The following LRGUK variants were observed in gnomAD, a reference collection of about 807,000 sequenced individuals.
The protein encoded by LRGUK is leucine rich repeats and guanylate kinase domain containing.
In LRGUK, 65 loss-of-function variants were observed where a neutral mutation model predicts 76.0. That is an observed-to-expected ratio of 0.85 (90% confidence interval 0.70 to 1.05). The LOEUF (loss-of-function observed/expected upper bound fraction) is 1.05. Among genes scored for constraint, LRGUK ranks in the 50% least tolerant of loss-of-function variants. The pLI, the probability that LRGUK is intolerant of heterozygous loss-of-function variation, is 0.00. For synonymous variants in LRGUK, 268 were observed against 265.6 expected (o/e 1.01, Z -0.09); for missense variants, 758 against 732.8 (o/e 1.03, Z -0.40).
chr7:134,194,384 A>G (rs1007333585), intron 12 of LRGUK, among the ~76,000 whole-genome samples: 1 of 152,220 alleles, frequency 6.6e-6, no homozygotes, highest in Non-Finnish European at 1.5e-5. Flanking sequence ...TACATTTTGA[A>G]AACAGCGAGT....
At chr7:134,142,030 G>A (rs1797786719) in intron 3 of LRGUK, among the ~76,000 whole-genome samples, 1 of 152,130 alleles carries the variant, frequency 6.6e-6, no homozygotes, top group Non-Finnish European at 1.5e-5. Flanking sequence ...TCAGGGCAGG[G>A]CCCCAACTAC....
chr7:134,172,384 G>T (rs940205440), intron 7 of LRGUK, among the ~76,000 whole-genome samples: 1 of 152,014 alleles, frequency 6.6e-6, no homozygotes, highest in Non-Finnish European at 1.5e-5. Flanking sequence ...TTAAAGAAAA[G>T]ACTTTAGTAG....
intron 16 of LRGUK, among the ~76,000 whole-genome samples, chr7:134,241,406 T>G (rs2117193429): frequency 6.6e-6 from 1 of 152,306 alleles, no homozygotes; most frequent in Middle Eastern, 3.4e-3. Flanking sequence ...GTTGCAATCC[T>G]AGTCTCTGAT....
At chr7:134,212,503 G>A (rs545421604), downstream of LRGUK, among the ~76,000 whole-genome samples, 4 of 152,190 alleles carry the variant, frequency 2.6e-5, no homozygotes, top group Admixed American at 6.5e-5. Context: ...TATTTCAAGG[G>A]CAGTAGAGGA....
chr7:134,135,356 G>A (rs73454654), intron 1 of LRGUK, among the ~76,000 whole-genome samples: 22,838 of 152,090 alleles, frequency 0.15, 1,970 homozygotes, highest in East Asian at 0.33. Context: ...TGAAACCACC[G>A]GAGGGGGGCA....
intron 5 of LRGUK, among the ~76,000 whole-genome samples, chr7:134,153,176 AT>A (rs1798301899): frequency 6.6e-6 from 1 of 152,102 alleles, no homozygotes. Flanking sequence ...AAACCTGAAA[AT>A]TATAAATTAA....
chr7:134,274,947 C>CTAAG, the LRGUK span, among the ~76,000 whole-genome samples: 1 of 152,032 alleles, frequency 6.6e-6, no homozygotes, highest in Non-Finnish European at 1.5e-5. Flanking sequence ...ATTTTTCATA[C>CTAAG]TAAGTTCAGT....
At chr7:134,221,509 T>C (rs773630304) in intron 15 of LRGUK, among the ~76,000 whole-genome samples, 1 of 152,196 alleles carries the variant, frequency 6.6e-6, no homozygotes, top group Non-Finnish European at 1.5e-5. Flanking sequence ...TTTTGACATG[T>C]CTTACTTCTT....
In LRGUK at chr7:134,209,855, C is replaced by T. The variant is rs534188778; in HGVS notation, c.2992C>T (p.Arg998Cys). 229 of 399,330 alleles carry T rather than the reference C, an allele frequency of 5.7e-4. 5 individuals are homozygous for T. In the South Asian group the frequency reaches 0.027, roughly 46 times the overall value. The allele number at this position is 399,330 out of a possible 1,614,324, so 24.7% of individuals were successfully genotyped here. A position where few individuals can be genotyped will look rare whatever the true frequency, so the allele number is the denominator to read the frequency against. The change falls in exon 16 of 16, where the codon CGC becomes TGC. Residue 998 changes from arginine to cysteine, a missense_variant. Physicochemically the swap from Arg to Cys is radical, Grantham distance 180 (BLOSUM62 -3). Transcript: ENST00000645682. Reference sequence around the variant, plus strand: ...CCCCAGCCAGGAGCAAGCAGAACCTCGCATCCTCAGTCCCGCCCAGGAGGA... The same window carrying T: ...CCCCAGCCAGGAGCAAGCAGAACCTTGCATCCTCAGTCCCGCCCAGGAGGA...
chr7:134,191,896 T>C (rs920614885), intron 12 of LRGUK, 145 bp downstream of exon 12: 2 of 545,470 alleles, frequency 3.7e-6, no homozygotes, highest in Non-Finnish European at 6.4e-6. Flanking sequence ...TTTTTTTTTT[T>C]CTTAAAGTGC....
chr7:134,171,763 T>C (rs1799261392), intron 7 of LRGUK, among the ~76,000 whole-genome samples: 1 of 152,150 alleles, frequency 6.6e-6, no homozygotes, highest in Admixed American at 6.6e-5. Flanking sequence ...TGCAAGCTAT[T>C]TGGGGTGCTG....
chr7:134,142,808 C>T (rs900820716), intron 3 of LRGUK, among the ~76,000 whole-genome samples: 1 of 152,090 alleles, frequency 6.6e-6, no homozygotes, highest in African/African-American at 2.4e-5. Context: ...ACTTGGCTGC[C>T]CCCAAAATAG....
intron 11 of LRGUK, among the ~76,000 whole-genome samples, chr7:134,185,254 A>G (rs113473672): frequency 1.6e-4 from 24 of 152,298 alleles, no homozygotes; most frequent in Middle Eastern, 3.4e-3. Flanking sequence ...ACAAAACTCC[A>G]ACTGAGTTTA....
chr7:134,273,282 C>T, the LRGUK span, among the ~76,000 whole-genome samples: 1 of 152,182 alleles, frequency 6.6e-6, no homozygotes, highest in Admixed American at 6.5e-5. Flanking sequence ...CCTGGTAGAG[C>T]TCTCTATGGT....
intron 1 of LRGUK, among the ~76,000 whole-genome samples, chr7:134,136,779 G>C (rs560349836): frequency 6.6e-6 from 1 of 152,228 alleles, no homozygotes; most frequent in East Asian, 1.9e-4. Context: ...AACTTTGAAT[G>C]CCTAATGCAA....
At chr7:134,139,004 G>A (rs561085419) in intron 2 of LRGUK, among the ~76,000 whole-genome samples, 18 of 152,234 alleles carry the variant, frequency 1.2e-4, no homozygotes. Context: ...GAAAGTGTAG[G>A]TAGTATTGTT....
intron 7 of LRGUK, among the ~76,000 whole-genome samples, chr7:134,165,558 A>G (rs1160147545): frequency 6.6e-6 from 1 of 152,222 alleles, no homozygotes; most frequent in Non-Finnish European, 1.5e-5. Context: ...GAAACAGGTG[A>G]CATTAATTTT....
chr7:134,130,371 T>C (rs1797250281), intron 1 of LRGUK, among the ~76,000 whole-genome samples: 2 of 151,896 alleles, frequency 1.3e-5, no homozygotes, highest in South Asian at 4.2e-4. Flanking sequence ...GGCTATGGGG[T>C]TCATTAGCAC....
At chr7:134,220,157 A>C (rs73441366) in intron 15 of LRGUK, among the ~76,000 whole-genome samples, 1 of 152,078 alleles carries the variant, frequency 6.6e-6, no homozygotes, top group South Asian at 2.1e-4. Flanking sequence ...ATGTTTCTGC[A>C]TACAGTTGTC....
Sources: gnomAD v4.1 joint callset for allele counts (sites outside exome capture counted in the v4.1 genomes callset) on GRCh38, gnomAD v4.1.1 for gene constraint, MANE v1.5 for transcripts, NCBI Gene and HGNC (gene_info 2026-07-23, HGNC 2026-07-21) for gene names.